The following ROCK1 variants were observed in gnomAD, a reference collection of about 807,000 sequenced individuals.
ROCK1 encodes the protein rho-associated protein kinase 1.
A neutral mutation model predicts 196.8 loss-of-function variants in ROCK1; 36 were observed. That is an observed-to-expected ratio of 0.18 (90% CI 0.14 to 0.24). ROCK1 has a LOEUF of 0.24. ROCK1 is among the 10% of genes least tolerant of loss of function. The probability of loss-of-function intolerance (pLI) is 1.00; values close to 1 mark genes in which losing one functional copy is unlikely to be tolerated. For synonymous variants in ROCK1, 443 were observed against 515.9 expected (o/e 0.86, Z 1.91); for missense variants, 920 against 1,562.0 (o/e 0.59, Z 6.93).
intron 1 of ROCK1, 59 bp downstream of exon 1, chr18:21,110,759 C>G (rs1287601237): frequency 1.5e-6 from 2 of 1,347,498 alleles, no homozygotes; most frequent in African/African-American, 2.9e-5. Flanking sequence ...CAGACTAATG[C>G]AAGAGGAAGG....
At chr18:20,987,541 C>A (rs2035588013) in intron 18 of ROCK1, among the ~76,000 whole-genome samples, 1 of 152,146 alleles carries the variant, frequency 6.6e-6, no homozygotes, top group Admixed American at 6.6e-5. Context: ...GTAGGAACTC[C>A]AATTTATACA....
chr18:20,978,204 C>CAAAA (rs34885138), intron 22 of ROCK1, among the ~76,000 whole-genome samples: 1 of 118,808 alleles, frequency 8.4e-6, no homozygotes. Flanking sequence ...TGTATTCCAA[C>CAAAA]AAAAAAAAAA....
intron 12 of ROCK1, among the ~76,000 whole-genome samples, chr18:21,018,543 A>T (rs1437499003): frequency 6.6e-6 from 1 of 152,074 alleles, no homozygotes. Context: ...AAAAAAAAAA[A>T]AAAAATTTGG....
intron 16 of ROCK1, among the ~76,000 whole-genome samples, chr18:20,998,907 C>A (rs1327974350): frequency 6.6e-6 from 1 of 151,998 alleles, no homozygotes; most frequent in Non-Finnish European, 1.5e-5. Context: ...CCGCATCCGG[C>A]CCTTACCAAA....
In ROCK1 at chr18:21,028,858, C is replaced by T; in HGVS notation, c.1129G>A (p.Glu377Lys). Residue 377 changes from glutamate to lysine, a missense_variant, in exon 10 of 33, where the codon GAG becomes AAG. By Grantham distance (56) the Glu-to-Lys change is moderately conservative (BLOSUM62 1). This residue lies in a region of ROCK1 where 234 missense variants were observed against 460.7 expected (regional missense o/e 0.51). Transcript: ENST00000399799. ...TTAGGAATAGGGAATGTTTCTTCCT[C>T]TCCTTTATCTTCTTCCAAGTCATCA... is the stretch of plus-strand genomic sequence containing the variant. ...NFDDLEEDKGEEETFPIPKAF... is the reference protein window; with the variant it reads ...NFDDLEEDKGKEETFPIPKAF... 1 of 1,612,628 alleles carries T rather than the reference C, an allele frequency of 6.2e-7. No homozygotes were observed. The highest frequency in any genetic ancestry group is 8.5e-7 in the Non-Finnish European group (1 of 1,179,416).
intron 27 of ROCK1, among the ~76,000 whole-genome samples, chr18:20,963,343 C>A (rs1019492833): frequency 3.3e-5 from 5 of 151,940 alleles, no homozygotes; most frequent in African/African-American, 7.2e-5. Context: ...TTTAGCTATA[C>A]CACAAACATA....
chr18:21,016,749 A>G (rs918448823), intron 12 of ROCK1, among the ~76,000 whole-genome samples: 5 of 152,168 alleles, frequency 3.3e-5, no homozygotes, highest in African/African-American at 9.6e-5. Context: ...TTAGCTGAAT[A>G]AAGTGCCAAG....
At chr18:20,965,504 A>G (rs1236157020) in intron 27 of ROCK1, among the ~76,000 whole-genome samples, 1 of 152,214 alleles carries the variant, frequency 6.6e-6, no homozygotes, top group African/African-American at 2.4e-5. Context: ...CCTATACTAA[A>G]TAACTCCAGA....
chr18:21,006,314 G>A, intron 16 of ROCK1, 37 bp downstream of exon 16: 2 of 1,500,334 alleles, frequency 1.3e-6, no homozygotes, highest in Non-Finnish European at 1.8e-6. Context: ...TAAATTTCAT[G>A]TTACGTATAT....
chr18:21,001,695 G>A (rs2035726118), intron 16 of ROCK1, among the ~76,000 whole-genome samples: 1 of 151,832 alleles, frequency 6.6e-6, no homozygotes, highest in Non-Finnish European at 1.5e-5. Flanking sequence ...AACCTGGGAG[G>A]CAGAGGTTGC....
At chr18:21,038,829 CT>C (rs1242723730) in intron 9 of ROCK1, among the ~76,000 whole-genome samples, 1 of 152,146 alleles carries the variant, frequency 6.6e-6, no homozygotes, top group African/African-American at 2.4e-5. Flanking sequence ...TGATGAGAAC[CT>C]TTGGTGTCAT....
In ROCK1 at chr18:21,042,538, G is replaced by C. The variant is rs771987755; in HGVS notation, c.820+27C>G. 16 of 1,610,074 alleles carry C rather than the reference G, an allele frequency of 9.9e-6. 1 individual carries two copies. The highest frequency in any genetic ancestry group is 5.5e-5 in the South Asian group (5 of 90,598). On this transcript the variant is annotated intron_variant, in intron 7 of 32. Coordinates refer to ENST00000399799, the MANE Select transcript of ROCK1 (RefSeq NM_005406.3). The stretch of plus-strand genomic sequence containing the variant: ...AGTTTTGAGATGAACAACTGTAATA[G>C]AGAGACATAAAATCTTCCTTACTCA...
intron 1 of ROCK1, among the ~76,000 whole-genome samples, chr18:21,075,135 T>C (rs145737942): frequency 1.3e-5 from 2 of 152,286 alleles, no homozygotes; most frequent in East Asian, 3.9e-4. Flanking sequence ...GAAAGTGGCA[T>C]AACTGGTTTT....
In ROCK1 at chr18:21,020,089, C is replaced by T; in HGVS notation, c.1361+62G>A. On this transcript the variant is annotated intron_variant, in intron 12 of 32. Coordinates refer to ENST00000399799, the MANE Select transcript of ROCK1 (RefSeq NM_005406.3). The stretch of plus-strand genomic sequence containing the variant: ...CTTTCAGATGTTTACAGGGTATAAG[C>T]TTTCAAGTAAGTATTTGGTATATAA... 3.1e-6 allele frequency: 3 copies of T among 965,624 alleles called. No homozygotes were observed. The South Asian group carries it at 4.3e-5, about 14-fold the overall frequency. The allele number at this position is 965,624 out of a possible 1,614,324, so 59.8% of individuals were successfully genotyped here. A position where few individuals can be genotyped will look rare whatever the true frequency, so the allele number is the denominator to read the frequency against.
At chr18:21,043,332 C>T (rs2036124217) in intron 6 of ROCK1, among the ~76,000 whole-genome samples, 1 of 151,728 alleles carries the variant, frequency 6.6e-6, no homozygotes, top group Non-Finnish European at 1.5e-5. Flanking sequence ...TTTTAACTGC[C>T]CTCCCCCAAC....
intron 1 of ROCK1, among the ~76,000 whole-genome samples, chr18:21,098,993 A>G (rs1333002098): frequency 6.6e-6 from 1 of 152,238 alleles, no homozygotes; most frequent in East Asian, 1.9e-4. Flanking sequence ...GGAAATGTAA[A>G]ATAGCACAAC....
At chr18:21,102,275 T>G (rs560419687) in intron 1 of ROCK1, among the ~76,000 whole-genome samples, 1 of 152,196 alleles carries the variant, frequency 6.6e-6, no homozygotes, top group African/African-American at 2.4e-5. Flanking sequence ...CAGCCTCATA[T>G]CTGAAAACTA....
chr18:21,087,153 A>G (rs1221251425), intron 1 of ROCK1, among the ~76,000 whole-genome samples: 2 of 152,200 alleles, frequency 1.3e-5, no homozygotes, highest in Non-Finnish European at 2.9e-5. Context: ...TAGAGTAACC[A>G]ATTTAAAAAG....
chr18:21,012,325 G>C (rs2035826158), intron 13 of ROCK1, among the ~76,000 whole-genome samples: 1 of 152,092 alleles, frequency 6.6e-6, no homozygotes, highest in Admixed American at 6.6e-5. Flanking sequence ...AGGTGTGCTG[G>C]TGACACATTA....
Sources: allele counts gnomAD v4.1 joint callset (sites outside exome capture counted in the v4.1 genomes callset), GRCh38; gene constraint gnomAD v4.1.1; regional missense constraint gnomAD v4.1.1; transcripts MANE v1.5; gene names NCBI Gene and HGNC (gene_info 2026-07-23, HGNC 2026-07-21).